Variants in NCR1 observed in about 807,000 individuals in gnomAD.
NCR1 encodes NK cell-activating receptor.
In NCR1, 30 loss-of-function variants were observed where a neutral mutation model predicts 32.5. The observed-to-expected ratio is 0.92, with a 90% CI of 0.69 to 1.25. The LOEUF (loss-of-function observed/expected upper bound fraction) is 1.25, where lower values mean the gene tolerates loss of function less well. Ranked by LOEUF, NCR1 falls within the 50% of genes most tolerant of loss-of-function variation. The pLI is 0.00. For missense variants in NCR1, 369 were observed against 380.7 expected, an observed-to-expected ratio of 0.97 and a Z score of 0.26; for synonymous variants, 169 against 143.4, an observed-to-expected ratio of 1.18 and a Z score of -1.28.
downstream of NCR1, among the ~76,000 whole-genome samples, chr19:54,917,416 G>A (rs529116476): frequency 2.0e-5 from 3 of 151,838 alleles, no homozygotes; most frequent in African/African-American, 7.2e-5. Context: ...GCCTGCTGGG[G>A]TCTAGCGATT....
chr19:54,909,341 G>A lies in NCR1; in HGVS notation c.452G>A (p.Ser151Asn), dbSNP rs587765719. 8 of 1,614,100 alleles carry A rather than the reference G, an allele frequency of 5.0e-6. No individual in the cohort carries two copies. Among genetic ancestry groups the A allele is most frequent in the Non-Finnish European group, 6.8e-6 (8 of 1,180,028 alleles). ...TFYCRLDTAT[S>N]MFLLLKEGRS... is the part of the protein sequence containing the mutation. ...TACTGCCGTCTAGACACTGCAACAA[G>A]CATGTTCTTACTGCTCAAGGAGGGA... is the stretch of plus-strand genomic sequence containing the variant. Residue 151 changes from serine (S) to asparagine (N), a missense_variant, in exon 4 of 7, where the codon AGC (serine) becomes AAC (asparagine). Transcript: ENST00000291890.
chr19:54,919,714 A>ACCCC (rs58529355), downstream of NCR1, among the ~76,000 whole-genome samples: 558 of 99,902 alleles, frequency 5.6e-3, 9 homozygotes, highest in East Asian at 0.012. Context: ...GGAAAGGGAG[A>ACCCC]CCCCCCCCCC....
chr19:54,925,177 T>C, the NCR1 span, among the ~76,000 whole-genome samples: 3 of 151,952 alleles, frequency 2.0e-5, no homozygotes, highest in African/African-American at 7.3e-5. Flanking sequence ...AAGGAGGAAC[T>C]GAGGAATGAG....
the NCR1 span, among the ~76,000 whole-genome samples, chr19:54,925,764 C>T: frequency 0.023 from 3,446 of 152,040 alleles, 111 homozygotes; most frequent in African/African-American, 0.077. Context: ...TTTGGGAGGC[C>T]GAGGTGGGCA....
intron 6 of NCR1, among the ~76,000 whole-genome samples, chr19:54,912,489 C>T (rs1411667250): frequency 3.3e-5 from 5 of 151,640 alleles, no homozygotes; most frequent in African/African-American, 1.2e-4. Context: ...GTCCCAGCTA[C>T]TTGGGAGGCT....
intron 3 of NCR1, among the ~76,000 whole-genome samples, chr19:54,908,902 C>A (rs774171976): frequency 4.0e-5 from 6 of 151,618 alleles, no homozygotes; most frequent in Non-Finnish European, 8.8e-5. Flanking sequence ...AGTGCCACGG[C>A]GCTCCAGCCT....
downstream of NCR1, chr19:54,913,084 C>G (rs2068058747): frequency 2.1e-6 from 1 of 467,062 alleles, no homozygotes; most frequent in Non-Finnish European, 3.8e-6. Context: ...ACAGAGTTTT[C>G]TCTTGTTGCC....
the NCR1 span, among the ~76,000 whole-genome samples, chr19:54,937,122 G>T: frequency 2.0e-5 from 3 of 151,522 alleles, no homozygotes; most frequent in East Asian, 1.9e-4. Context: ...GGAGGCTGAG[G>T]CAGGAGAATG....
intron 5 of NCR1, among the ~76,000 whole-genome samples, chr19:54,911,940 A>G (rs757111035): frequency 1.4e-4 from 21 of 151,780 alleles, no homozygotes; most frequent in Admixed American, 2.6e-4. Flanking sequence ...AATAGAAGAC[A>G]TGACTGGTGC....
chr19:54,909,523 G>A lies in NCR1; in HGVS notation c.634G>A (p.Gly212Ser). The A allele has an allele frequency of 6.2e-7, 1 of 1,601,958 alleles. No individual in the cohort carries two copies. The highest frequency in any genetic ancestry group is 1.1e-5 in the South Asian group (1 of 91,022). Reference protein sequence around the residue: ...PSEPVKLLVTGDIENTSLAPE... With the variant: ...PSEPVKLLVTSDIENTSLAPE... ...TGAGCCAGTGAAGCTCCTGGTCACAGGTGAGGAAATGCTCAATTCCCCACA... is the reference window on the plus strand; with the variant it reads ...TGAGCCAGTGAAGCTCCTGGTCACAAGTGAGGAAATGCTCAATTCCCCACA... Residue 212 changes from glycine to serine, a missense_variant and splice_region_variant, in exon 4 of 7, where the codon GGC (glycine) becomes AGC (serine). Coordinates refer to ENST00000291890, the MANE Select transcript of NCR1 (RefSeq NM_004829.7).
upstream of NCR1, among the ~76,000 whole-genome samples, chr19:54,904,204 C>G (rs1476425687): frequency 6.7e-6 from 1 of 149,934 alleles, no homozygotes; most frequent in African/African-American, 2.4e-5. Context: ...AAATGAAAAG[C>G]TTTTCTTTTC....
At chr19:54,900,012 A>G in the NCR1 span, among the ~76,000 whole-genome samples, 3 of 152,130 alleles carry the variant, frequency 2.0e-5, no homozygotes, top group Non-Finnish European at 4.4e-5. Flanking sequence ...GAGGTTGGAG[A>G]AGAGAGTAAA....
At chr19:54,919,415 CCCTG>C, downstream of NCR1, among the ~76,000 whole-genome samples, 1 of 152,142 alleles carries the variant, frequency 6.6e-6, no homozygotes, top group Non-Finnish European at 1.5e-5. Context: ...GGGGGCCCTT[CCCTG>C]CCTGGCAGCC....
At chr19:54,935,043 T>C in the NCR1 span, among the ~76,000 whole-genome samples, 1 of 152,062 alleles carries the variant, frequency 6.6e-6, no homozygotes, top group Non-Finnish European at 1.5e-5. Context: ...ATGTCTTTGG[T>C]TTATCTCATT....
chr19:54,923,927 G>A, the NCR1 span: 1 of 1,584,898 alleles, frequency 6.3e-7, no homozygotes, highest in South Asian at 1.1e-5. Flanking sequence ...AACTACCCAG[G>A]ATGCCTGAAT....
chr19:54,924,391 G>C, the NCR1 span, among the ~76,000 whole-genome samples: 10 of 152,238 alleles, frequency 6.6e-5, no homozygotes, highest in African/African-American at 2.4e-4. Flanking sequence ...GGGAGGCCAA[G>C]GCAGGCAGAT....
the NCR1 span, among the ~76,000 whole-genome samples, chr19:54,928,339 A>G: frequency 6.6e-6 from 1 of 152,206 alleles, no homozygotes; most frequent in Non-Finnish European, 1.5e-5. Context: ...GGTTGTAGTT[A>G]GCCAACATAT....
At chr19:54,923,629 C>A in the NCR1 span, 1 of 1,249,466 alleles carries the variant, frequency 8.0e-7, no homozygotes, top group Admixed American at 1.7e-5. Flanking sequence ...TCAAATCCTA[C>A]CTCTCGACAG....
chr19:54,908,516 G>A (rs191123685), intron 3 of NCR1, among the ~76,000 whole-genome samples: 8,453 of 152,156 alleles, frequency 0.056, 289 homozygotes, highest in Middle Eastern at 0.11. Context: ...CCTCCCAGAC[G>A]GGGTGGCGGC....
Sources: gnomAD v4.1 joint callset for allele counts (sites outside exome capture counted in the v4.1 genomes callset) on GRCh38, gnomAD v4.1.1 for gene constraint, MANE v1.5 for transcripts, NCBI Gene and HGNC (gene_info 2026-07-23, HGNC 2026-07-21) for gene names.